Variants in C1QTNF1 observed in about 807,000 individuals in gnomAD.
The protein encoded by C1QTNF1 is C1q and TNF related 1, also known as complement C1q tumor necrosis factor-related protein 1.
A neutral mutation model predicts 27.8 loss-of-function variants in C1QTNF1; 22 were observed. The observed-to-expected ratio is 0.79, with a 90% CI of 0.56 to 1.13. The LOEUF is 1.13. Ranked by LOEUF, C1QTNF1 falls within the 50% of genes most tolerant of loss-of-function variation. C1QTNF1 has a pLI of 0.00. For synonymous variants in C1QTNF1, 166 were observed against 154.3 expected, an observed-to-expected ratio of 1.08 and a Z score of -0.56; for missense variants, 373 against 380.2, an observed-to-expected ratio of 0.98 and a Z score of 0.16.
intron 1 of C1QTNF1, 114 bp from the exon 2 acceptor site, chr17:79,043,841 G>C: frequency 8.8e-7 from 1 of 1,141,220 alleles, no homozygotes; most frequent in Non-Finnish European, 1.3e-6. Flanking sequence ...AGTGGCGTGA[G>C]GCTGGGGAAG....
intron 1 of C1QTNF1, among the ~76,000 whole-genome samples, chr17:79,039,753 T>C (rs1004164015): frequency 6.6e-6 from 1 of 152,058 alleles, no homozygotes; most frequent in Admixed American, 6.6e-5. Context: ...ATGCGTTTTG[T>C]AGTTACTTTC....
upstream of C1QTNF1, among the ~76,000 whole-genome samples, chr17:79,023,704 G>GCACACACACACACACA (rs5822269): frequency 1.2e-4 from 17 of 145,028 alleles, no homozygotes; most frequent in African/African-American, 3.4e-4. Context: ...GCGCGCGCGC[G>GCACACACACACACACA]CACACACACA....
At chr17:79,029,937 G>A (rs1389707157) in intron 1 of C1QTNF1, among the ~76,000 whole-genome samples, 2 of 152,182 alleles carry the variant, frequency 1.3e-5, no homozygotes, top group African/African-American at 4.8e-5. Context: ...TGGGTAGGTA[G>A]TAGACACTCA....
intron 1 of C1QTNF1, among the ~76,000 whole-genome samples, chr17:79,037,162 G>A (rs367947801): frequency 1.1e-4 from 17 of 152,094 alleles, no homozygotes; most frequent in East Asian, 5.8e-4. Flanking sequence ...ATGGAGTCTC[G>A]CTCTGTCGCC....
In C1QTNF1 at chr17:79,046,999, T is replaced by C; in HGVS notation, c.295+305T>C. Reference sequence around the variant, plus strand: ...ATGTGGACGCCAGGCTTCTAGGCCCTTTGCTTTGGGGCTTGGTCCCCCAGC... The same window carrying C: ...ATGTGGACGCCAGGCTTCTAGGCCCCTTGCTTTGGGGCTTGGTCCCCCAGC... On this transcript the variant is annotated intron_variant, in intron 3 of 3. Coordinates refer to ENST00000579760, the MANE Select transcript of C1QTNF1 (RefSeq NM_030968.5). This position sits in a 1 kb window ranked among gnomAD's most constrained non-coding sequence, Gnocchi z 4.8. 2.7e-6 allele frequency: 1 copy of C among 366,348 alleles called. No homozygotes were observed. Among genetic ancestry groups the C allele is most frequent in the South Asian group, 5.1e-5 (1 of 19,526 alleles). The allele number at this position is 366,348 out of a possible 1,614,324, so 22.7% of individuals were successfully genotyped here.
At chr17:79,044,251 G>A (rs1041143834) in intron 2 of C1QTNF1, 128 bp downstream of exon 2, 1 of 1,128,518 alleles carries the variant, frequency 8.9e-7, no homozygotes, top group Non-Finnish European at 1.2e-6. Context: ...CTGAGCCGTG[G>A]CCCTGCTGGA....
rs114697859 is a variant in C1QTNF1, at chr17:79,037,974, G to A, written c.-14-5981G>A. 1.1e-3 allele frequency among the ~76,000 whole-genome samples: 165 copies of A among 151,702 alleles called. 2 individuals are homozygous for A. The highest frequency in any genetic ancestry group is 3.7e-3 in the African/African-American group (155 of 41,348). ...GGTGTGAGCCACCACAAGCAAACAA[G>A]GGATACAATTTTTTTCTTTTTCTTT... On this transcript the variant is annotated intron_variant, in intron 1 of 3. Coordinates refer to ENST00000579760, the MANE Select transcript of C1QTNF1 (RefSeq NM_030968.5).
chr17:79,043,303 G>A (rs1194865400), intron 1 of C1QTNF1: 1 of 453,482 alleles, frequency 2.2e-6, no homozygotes, highest in African/African-American at 2.0e-5. Context: ...TTGGGTATGT[G>A]TGCATGTGAG....
chr17:79,041,742 G>A (rs1239383146), intron 1 of C1QTNF1: 2 of 146,024 alleles, frequency 1.4e-5, no homozygotes, highest in African/African-American at 5.2e-5. Context: ...CTGCACTCCA[G>A]CCTGGGTGAC....
intron 1 of C1QTNF1, among the ~76,000 whole-genome samples, chr17:79,042,157 G>T (rs1347540481): frequency 2.6e-5 from 4 of 152,198 alleles, no homozygotes; most frequent in Non-Finnish European, 4.4e-5. Context: ...TTTACATTTT[G>T]GTGAACAAAG....
At chr17:79,037,711 C>A (rs2072296935) in intron 1 of C1QTNF1, among the ~76,000 whole-genome samples, 3 of 152,150 alleles carry the variant, frequency 2.0e-5, no homozygotes, top group Admixed American at 2.0e-4. Context: ...CTCTGTCACC[C>A]AGGCTAGAGT....
intron 1 of C1QTNF1, chr17:79,043,442 G>A (rs369498123): frequency 1.6e-4 from 74 of 453,916 alleles, no homozygotes; most frequent in Middle Eastern, 6.9e-4. Flanking sequence ...GCATGTGAGC[G>A]TGTGGATTCC....
At chr17:79,045,783 G>T (rs1468520235) in intron 2 of C1QTNF1, among the ~76,000 whole-genome samples, 1 of 152,198 alleles carries the variant, frequency 6.6e-6, no homozygotes, top group Non-Finnish European at 1.5e-5. Context: ...CTGGTGAGAA[G>T]TTTGAAGTCA....
intron 1 of C1QTNF1, among the ~76,000 whole-genome samples, chr17:79,040,278 G>A (rs375469167): frequency 3.3e-5 from 5 of 152,322 alleles, no homozygotes; most frequent in East Asian, 1.9e-4. Context: ...GGGGAAACAC[G>A]GTGAAACCGT....
At chr17:79,039,916 T>C (rs1386893732) in intron 1 of C1QTNF1, among the ~76,000 whole-genome samples, 1 of 152,082 alleles carries the variant, frequency 6.6e-6, no homozygotes, top group Non-Finnish European at 1.5e-5. Flanking sequence ...CTCTTTTCCT[T>C]TTAACTGGTA....
Position 79,047,733 on chromosome 17 carries a change from C to T in C1QTNF1, c.491C>T (p.Thr164Met), listed in dbSNP as rs370218119. Residue 164 changes from threonine to methionine, a missense_variant, in exon 4 of 4, where the codon ACG becomes ATG. Coordinates refer to ENST00000579760, the MANE Select transcript of C1QTNF1 (RefSeq NM_030968.5). ...ATGCACAGCAACCACTACTACCAGACGGTGATCTTCGACACGGAGTTCGTG... is the reference window on the plus strand; with the variant it reads ...ATGCACAGCAACCACTACTACCAGATGGTGATCTTCGACACGGAGTTCGTG... ...KPMHSNHYYQ[T>M]VIFDTEFVNL... is the part of the protein sequence containing the mutation. 1.4e-5 allele frequency: 23 copies of T among 1,614,150 alleles called. No homozygotes were observed. The highest frequency in any genetic ancestry group is 3.3e-5 in the South Asian group (3 of 91,080).
At chr17:79,047,453 G>T in intron 3 of C1QTNF1, 85 bp from the exon 4 acceptor site, 1 of 1,349,766 alleles carries the variant, frequency 7.4e-7, no homozygotes, top group Non-Finnish European at 1.0e-6. Context: ...TCAGGACAGC[G>T]CCAGGGACCG....
At chr17:79,033,501 A>G (rs978875916) in intron 1 of C1QTNF1, among the ~76,000 whole-genome samples, 4 of 151,966 alleles carry the variant, frequency 2.6e-5, no homozygotes, top group Admixed American at 6.6e-5. Context: ...GCTTGAGACC[A>G]GCCTGGGAAA....
At chr17:79,036,960 G>A (rs1279958929) in intron 1 of C1QTNF1, among the ~76,000 whole-genome samples, 1 of 152,206 alleles carries the variant, frequency 6.6e-6, no homozygotes, top group Admixed American at 6.5e-5. Context: ...GAATGCTTTT[G>A]TCAAAAGGCC....
Sources: allele counts gnomAD v4.1 joint callset (sites outside exome capture counted in the v4.1 genomes callset), GRCh38; gene constraint gnomAD v4.1.1; non-coding constraint Gnocchi (gnomAD v3.1); transcripts MANE v1.5; gene names NCBI Gene and HGNC (gene_info 2026-07-23, HGNC 2026-07-21).